Variants in PTK2 observed in about 807,000 individuals in gnomAD.
The protein encoded by PTK2 is protein tyrosine kinase 2.
A neutral mutation model predicts 150.1 loss-of-function variants in PTK2; 45 were observed. The observed-to-expected ratio is 0.30, with a 90% CI of 0.24 to 0.38. The LOEUF (loss-of-function observed/expected upper bound fraction) is 0.38, where lower values mean the gene tolerates loss of function less well. PTK2 is among the 10% of genes least tolerant of loss of function. The pLI is 1.00. For missense variants in PTK2, 919 were observed against 1,307.3 expected (o/e 0.70, Z 4.58); for synonymous variants, 432 against 449.2 (o/e 0.96, Z 0.48).
At chr8:140,744,818 G>T in intron 18 of PTK2, 51 bp from the exon 22 acceptor site, 2 of 1,081,530 alleles carry the variant, frequency 1.8e-6, no homozygotes, top group Non-Finnish European at 2.7e-6. Context: ...ATTAGTGGCA[G>T]TGAATCGAAA....
chr8:140,789,439 G>A, intron 14 of PTK2, 35 bp downstream of exon 14: 8 of 1,606,252 alleles, frequency 5.0e-6, no homozygotes, highest in Non-Finnish European at 6.8e-6. Flanking sequence ...CCCCATGAGA[G>A]TGCTTTTCGA....
intron 4 of PTK2, among the ~76,000 whole-genome samples, chr8:140,865,489 C>T (rs2100138771): frequency 6.6e-6 from 1 of 152,184 alleles, no homozygotes; most frequent in South Asian, 2.1e-4. Flanking sequence ...AGTGAATATC[C>T]TCTTCCATTC....
At chr8:140,702,288 C>T (rs2100031054) in intron 25 of PTK2, among the ~76,000 whole-genome samples, 1 of 146,682 alleles carries the variant, frequency 6.8e-6, no homozygotes, top group Non-Finnish European at 1.5e-5. Context: ...GGCATGATCT[C>T]GGCTCACTGC....
In PTK2 at chr8:140,982,049, G is replaced by A. The variant is rs188949898; in HGVS notation, c.-122+19076C>T. 5.4e-4 allele frequency among the ~76,000 whole-genome samples: 72 copies of A among 132,562 alleles called. No homozygotes were observed. In the East Asian group the frequency reaches 9.1e-3, roughly 17 times the overall value. 87.0% of individuals were successfully genotyped at this position (132,562 alleles called of 152,430 possible). On this transcript the variant is annotated intron_variant, in intron 1 of 31. Coordinates refer to ENST00000522684, the Ensembl canonical transcript of PTK2. Reference sequence around the variant, plus strand: ...AAATATTGCTCTATTAAAGCTCCACGCTTCACCAACTCAATAAAAAAAAAA... The same window carrying A: ...AAATATTGCTCTATTAAAGCTCCACACTTCACCAACTCAATAAAAAAAAAA...
intron 10 of PTK2, among the ~76,000 whole-genome samples, chr8:140,810,148 G>A (rs557325116): frequency 2.0e-5 from 3 of 152,306 alleles, no homozygotes; most frequent in South Asian, 2.1e-4. Flanking sequence ...TCTTAAATCC[G>A]AGCAGGGGGC....
chr8:140,678,820 G>A (rs2100015299), intron 27 of PTK2, among the ~76,000 whole-genome samples: 1 of 152,092 alleles, frequency 6.6e-6, no homozygotes, highest in African/African-American at 2.4e-5. Flanking sequence ...AGAGAGGCGT[G>A]AGGGCAGGGA....
At chr8:140,843,463 G>A (rs1164432887) in intron 7 of PTK2, among the ~76,000 whole-genome samples, 3 of 151,628 alleles carry the variant, frequency 2.0e-5, no homozygotes, top group Non-Finnish European at 4.4e-5. Flanking sequence ...CTCACATACA[G>A]ATAGGGTAGA....
intron 14 of PTK2, among the ~76,000 whole-genome samples, chr8:140,764,784 G>A (rs2100071439): frequency 1.3e-5 from 2 of 152,168 alleles, no homozygotes; most frequent in South Asian, 4.1e-4. Context: ...GAGATTAACT[G>A]TGCTAATTCA....
intron 22 of PTK2, among the ~76,000 whole-genome samples, chr8:140,720,417 T>TAA (rs369703556): frequency 1.4e-5 from 2 of 148,046 alleles, no homozygotes; most frequent in African/African-American, 4.9e-5. Context: ...CATTAGTGGT[T>TAA]AAAAAAAAAA....
intron 22 of PTK2, among the ~76,000 whole-genome samples, chr8:140,725,267 G>A (rs1412891267): frequency 6.6e-6 from 1 of 152,192 alleles, no homozygotes; most frequent in African/African-American, 2.4e-5. Flanking sequence ...CTGAGTTGCT[G>A]AGATTACAGG....
At chr8:140,863,477 C>A (rs2100137454) in intron 5 of PTK2, among the ~76,000 whole-genome samples, 2 of 152,158 alleles carry the variant, frequency 1.3e-5, no homozygotes. Context: ...TGTTTGTGGT[C>A]CCTCTCTCAC....
At chr8:140,964,908 A>G (rs1365097630) in intron 1 of PTK2, among the ~76,000 whole-genome samples, 5 of 152,152 alleles carry the variant, frequency 3.3e-5, no homozygotes, top group Non-Finnish European at 7.3e-5. Context: ...CCAAGAAAAA[A>G]GGTATTTATC....
chr8:140,676,062 G>A (rs2100013443), intron 27 of PTK2, among the ~76,000 whole-genome samples: 1 of 152,130 alleles, frequency 6.6e-6, no homozygotes, highest in South Asian at 2.1e-4. Flanking sequence ...GTATACAGTG[G>A]AATACTATTT....
At chr8:140,669,646 C>T in intron 29 of PTK2, 81 bp downstream of exon 33, 1 of 1,473,090 alleles carries the variant, frequency 6.8e-7, no homozygotes, top group Non-Finnish European at 9.1e-7. Context: ...GGGCTTCCTG[C>T]TTTCCAGTCC....
intron 14 of PTK2, among the ~76,000 whole-genome samples, chr8:140,767,742 G>C (rs539164910): frequency 1.3e-5 from 2 of 152,166 alleles, no homozygotes; most frequent in Non-Finnish European, 2.9e-5. Context: ...AGAATGCTGA[G>C]AATACAGGCA....
At chr8:140,823,340 T>C (rs2100109946) in intron 8 of PTK2, among the ~76,000 whole-genome samples, 1 of 152,220 alleles carries the variant, frequency 6.6e-6, no homozygotes, top group Non-Finnish European at 1.5e-5. Context: ...CAGCTGCTGG[T>C]TTATATATAA....
chr8:140,794,421 A>C (rs913757736), intron 12 of PTK2, among the ~76,000 whole-genome samples: 9 of 151,998 alleles, frequency 5.9e-5, no homozygotes, highest in Admixed American at 5.9e-4. Context: ...TGGTAACACC[A>C]CTCGTGTAGT....
intron 7 of PTK2, among the ~76,000 whole-genome samples, chr8:140,842,460 T>C (rs764486394): frequency 2.6e-5 from 4 of 152,108 alleles, no homozygotes. Context: ...ACAAGAGGTA[T>C]TAAGCTCTTG....
intron 12 of PTK2, among the ~76,000 whole-genome samples, chr8:140,798,542 A>G (rs1052863793): frequency 2.0e-5 from 3 of 152,230 alleles, no homozygotes; most frequent in African/African-American, 7.2e-5. Context: ...TGATATCCAA[A>G]TGTTTCTCCC....
Sources: gnomAD v4.1 joint callset for allele counts (sites outside exome capture counted in the v4.1 genomes callset) on GRCh38, gnomAD v4.1.1 for gene constraint, MANE v1.5 for transcripts, NCBI Gene and HGNC (gene_info 2026-07-23, HGNC 2026-07-21) for gene names.